Variants in LIPJ observed in about 807,000 individuals in gnomAD.
LIPJ encodes lipase family member J, also known as lipase member J.
Under a neutral mutation model 39.8 loss-of-function variants are expected in LIPJ, and 33 were observed. That is an observed-to-expected ratio of 0.83 (90% CI 0.63 to 1.11). The LOEUF is 1.11. Among genes scored for constraint, LIPJ ranks in the 50% least tolerant of loss-of-function variants. The probability of loss-of-function intolerance (pLI) is 0.00; values close to 1 mark genes in which losing one functional copy is unlikely to be tolerated. For missense variants in LIPJ, 422 were observed against 427.9 expected (o/e 0.99, Z 0.12); for synonymous variants, 128 against 139.2 (o/e 0.92, Z 0.57).
At chr10:88,617,057 A>G in the LIPJ span, among the ~76,000 whole-genome samples, 4 of 152,132 alleles carry the variant, frequency 2.6e-5, no homozygotes, top group Admixed American at 2.0e-4. Flanking sequence ...TTTTGTAAAG[A>G]AGAAACCTAA....
chr10:88,598,168 T>C (rs926213656), intron 8 of LIPJ, among the ~76,000 whole-genome samples: 2 of 151,996 alleles, frequency 1.3e-5, no homozygotes, highest in African/African-American at 4.8e-5. Context: ...GTGGTTCAGC[T>C]TGAATCAGTC....
At chr10:88,586,274 A>G (rs1294995454), upstream of LIPJ, among the ~76,000 whole-genome samples, 1 of 152,216 alleles carries the variant, frequency 6.6e-6, no homozygotes, top group African/African-American at 2.4e-5. Flanking sequence ...AGTTAATAGC[A>G]TAATGGGTCC....
At chr10:88,617,598 A>G in the LIPJ span, among the ~76,000 whole-genome samples, 1 of 152,196 alleles carries the variant, frequency 6.6e-6, no homozygotes, top group Non-Finnish European at 1.5e-5. Context: ...GAGGGAAATG[A>G]TGAAGAAAGG....
intron 9 of LIPJ, 51 bp from the exon 10 acceptor site, chr10:88,605,582 T>G (rs771833913): frequency 7.8e-7 from 1 of 1,276,758 alleles, no homozygotes; most frequent in African/African-American, 1.5e-5. Context: ...CTTGCTCAGC[T>G]GCCACTGTAA....
At chr10:88,596,165 AGTT>A in intron 6 of LIPJ, 112 bp from the exon 7 acceptor site, 1 of 647,496 alleles carries the variant, frequency 1.5e-6, no homozygotes, top group East Asian at 3.5e-5. Context: ...TTAAGAAATA[AGTT>A]AATTGTTCAG....
chr10:88,606,673 GACA>G (rs762015008), exon 11 of LIPJ: 1 of 1,582,786 alleles, frequency 6.3e-7, no homozygotes, highest in East Asian at 2.2e-5. Flanking sequence ...TTTATTTTCA[GACA>G]ACGTCTCCAT....
At chr10:88,612,844 CAAAG>C in the LIPJ span, among the ~76,000 whole-genome samples, 2 of 152,070 alleles carry the variant, frequency 1.3e-5, no homozygotes, top group East Asian at 1.9e-4. Flanking sequence ...AGAAAATCAA[CAAAG>C]AAACAATGGA....
At chr10:88,614,685 A>G in the LIPJ span, among the ~76,000 whole-genome samples, 1 of 152,154 alleles carries the variant, frequency 6.6e-6, no homozygotes, top group East Asian at 1.9e-4. Flanking sequence ...TAAAAAAGTT[A>G]TAAGTTGAAT....
At chr10:88,616,914 C>T in the LIPJ span, among the ~76,000 whole-genome samples, 1 of 152,146 alleles carries the variant, frequency 6.6e-6, no homozygotes. Context: ...CCCTGCTGGG[C>T]TGGTGCTCAG....
At chr10:88,616,850 G>GTCA in the LIPJ span, among the ~76,000 whole-genome samples, 1 of 152,206 alleles carries the variant, frequency 6.6e-6, no homozygotes, top group African/African-American at 2.4e-5. Flanking sequence ...CTAGAGGACT[G>GTCA]AAACCCTTCT....
intron 7 of LIPJ, among the ~76,000 whole-genome samples, 165 bp from the exon 8 acceptor site, chr10:88,596,625 G>A (rs1851262974): frequency 2.0e-5 from 3 of 151,514 alleles, no homozygotes; most frequent in Admixed American, 2.0e-4. Context: ...GAAATTCAGT[G>A]GCCAAACCAT....
At chr10:88,594,563 C>T in intron 5 of LIPJ, 104 bp from the exon 6 acceptor site, 3 of 515,964 alleles carry the variant, frequency 5.8e-6, no homozygotes, top group Non-Finnish European at 1.0e-5. Context: ...TTATTAATAA[C>T]TAGAGTAGAA....
chr10:88,598,047 C>G (rs1016612102), intron 8 of LIPJ, among the ~76,000 whole-genome samples: 1 of 151,910 alleles, frequency 6.6e-6, no homozygotes, highest in Non-Finnish European at 1.5e-5. Flanking sequence ...CAGAAGTTGA[C>G]AGTGTTGTAG....
chr10:88,605,788 C>T, intron 10 of LIPJ, 84 bp downstream of exon 10: 1 of 814,896 alleles, frequency 1.2e-6, no homozygotes, highest in Non-Finnish European at 2.1e-6. Flanking sequence ...CTGTAAATCC[C>T]CACAGTACAA....
chr10:88,615,010 A>C, the LIPJ span, among the ~76,000 whole-genome samples: 1 of 152,208 alleles, frequency 6.6e-6, no homozygotes, highest in African/African-American at 2.4e-5. Flanking sequence ...TTTGTACACT[A>C]TAACAATAAT....
At chr10:88,596,413 C>A (rs779631757) in exon 7 of LIPJ, 4 of 1,526,338 alleles carry the variant, frequency 2.6e-6, no homozygotes, top group South Asian at 1.3e-5. Context: ...AGTCAATAGT[C>A]ATGGTATGTT....
chr10:88,605,630 C>A lies in LIPJ; in HGVS notation c.796-3C>A. ...ATGGTCTTATTTTTTGTTTCTCTTTCAGCTTTTAAATTCTACTCATTTGAA... is the reference window on the plus strand; with the variant it reads ...ATGGTCTTATTTTTTGTTTCTCTTTAAGCTTTTAAATTCTACTCATTTGAA... On this transcript the variant is annotated splice_polypyrimidine_tract_variant and splice_region_variant and intron_variant, in intron 9 of 10. Coordinates refer to ENST00000371939, the Ensembl canonical transcript of LIPJ. 6.2e-7 allele frequency: 1 copy of A among 1,606,200 alleles called. No individual in the cohort carries two copies. Among genetic ancestry groups the A allele is most frequent in the Non-Finnish European group, 8.5e-7 (1 of 1,173,738 alleles).
At chr10:88,596,127 G>A (rs961622087) in intron 6 of LIPJ, among the ~76,000 whole-genome samples, 153 bp from the exon 7 acceptor site, 2 of 151,370 alleles carry the variant, frequency 1.3e-5, no homozygotes, top group South Asian at 2.1e-4. Context: ...TTGTATACTA[G>A]GTGATTTAAA....
intron 2 of LIPJ, among the ~76,000 whole-genome samples, chr10:88,588,834 T>G (rs1850994304): frequency 6.6e-6 from 1 of 151,946 alleles, no homozygotes; most frequent in Admixed American, 6.6e-5. Flanking sequence ...TTTAGTGAAC[T>G]TTTTCACTAG....
Sources: allele counts gnomAD v4.1 joint callset (sites outside exome capture counted in the v4.1 genomes callset), GRCh38; gene constraint gnomAD v4.1.1; transcripts MANE v1.5; gene names NCBI Gene and HGNC (gene_info 2026-07-23, HGNC 2026-07-21).